Variants in MAPKAP1 observed in about 807,000 individuals in gnomAD.
The protein encoded by MAPKAP1 is MAPK associated protein 1, also known as target of rapamycin complex 2 subunit MAPKAP1.
In MAPKAP1, 20 loss-of-function variants were observed where a neutral mutation model predicts 65.7. The ratio of observed to expected loss-of-function variants is 0.30; its 90% CI spans 0.21 to 0.44. The LOEUF (loss-of-function observed/expected upper bound fraction) is 0.44, where lower values mean the gene tolerates loss of function less well. MAPKAP1 is among the 20% of genes least tolerant of loss of function. The pLI is 1.00. For missense variants in MAPKAP1, 423 were observed against 648.0 expected (o/e 0.65, Z 3.77); for synonymous variants, 222 against 244.3 (o/e 0.91, Z 0.85).
chr9:125,681,769 C>T (rs1331349940), intron 1 of MAPKAP1, among the ~76,000 whole-genome samples: 2 of 152,100 alleles, frequency 1.3e-5, no homozygotes, highest in Non-Finnish European at 1.5e-5. Flanking sequence ...CTACACTGCA[C>T]CTATGTATGT....
At chr9:125,533,190 A>C (rs1365482270) in intron 7 of MAPKAP1, among the ~76,000 whole-genome samples, 1 of 152,096 alleles carries the variant, frequency 6.6e-6, no homozygotes, top group East Asian at 1.9e-4. Context: ...TTCTGAAATT[A>C]GGCTTTTTCT....
At chr9:125,522,576 T>A (rs1458272543) in intron 7 of MAPKAP1, among the ~76,000 whole-genome samples, 1 of 152,192 alleles carries the variant, frequency 6.6e-6, no homozygotes, top group Non-Finnish European at 1.5e-5. Context: ...TCTACCCACT[T>A]AATACATCTC....
At chr9:125,622,648 G>A (rs938715245) in intron 4 of MAPKAP1, among the ~76,000 whole-genome samples, 1 of 152,072 alleles carries the variant, frequency 6.6e-6, no homozygotes, top group Non-Finnish European at 1.5e-5. Flanking sequence ...GTTTCACCAC[G>A]TTGGCCAGGC....
chr9:125,473,082 T>C (rs1853978971), intron 9 of MAPKAP1, among the ~76,000 whole-genome samples: 1 of 151,870 alleles, frequency 6.6e-6, no homozygotes, highest in Non-Finnish European at 1.5e-5. Context: ...GCAGAACTTT[T>C]TTTTTTTTTT....
At chr9:125,642,359 A>T (rs1174162759) in intron 4 of MAPKAP1, among the ~76,000 whole-genome samples, 1 of 152,246 alleles carries the variant, frequency 6.6e-6, no homozygotes, top group East Asian at 1.9e-4. Context: ...GGGTGGACAC[A>T]GGAGAATAAA....
chr9:125,467,405 C>T (rs938365991), intron 10 of MAPKAP1, among the ~76,000 whole-genome samples: 8 of 152,302 alleles, frequency 5.3e-5, no homozygotes, highest in Non-Finnish European at 7.4e-5. Context: ...ATAATTTAAG[C>T]GGAGGAATGC....
chr9:125,459,366 G>A (rs1480329952), intron 10 of MAPKAP1, among the ~76,000 whole-genome samples: 2 of 149,578 alleles, frequency 1.3e-5, no homozygotes, highest in African/African-American at 5.0e-5. Context: ...TCACATCCCA[G>A]ACGATGGGCG....
chr9:125,650,504 T>A (rs1833863163), intron 4 of MAPKAP1: 1 of 152,270 alleles, frequency 6.6e-6, no homozygotes, highest in African/African-American at 2.4e-5. Flanking sequence ...CCCCCTTTTC[T>A]TAGCTAGTTC....
intron 10 of MAPKAP1, among the ~76,000 whole-genome samples, chr9:125,446,635 C>T (rs533579588): frequency 6.6e-6 from 1 of 152,210 alleles, no homozygotes; most frequent in African/African-American, 2.4e-5. Flanking sequence ...AAGAGACACC[C>T]CCTCCAGGAG....
At position 125,621,349 on chromosome 9, in the gene MAPKAP1, T is replaced by C. The variant is rs185102708; in HGVS notation, c.499-35622A>G. Reference sequence around the variant, plus strand: ...TGCTTACTTCATGGTGGACATGTACTATCTCATTTAATTCTCATCAACACA... The same window carrying C: ...TGCTTACTTCATGGTGGACATGTACCATCTCATTTAATTCTCATCAACACA... On this transcript the variant is annotated intron_variant, in intron 4 of 11. Coordinates refer to ENST00000265960, the MANE Select transcript of MAPKAP1 (RefSeq NM_001006617.3). 3.3e-5 allele frequency among the ~76,000 whole-genome samples: 5 copies of C among 152,286 alleles called. No individual in the cohort carries two copies. The East Asian group carries it at 9.6e-4, about 29-fold the overall frequency.
intron 4 of MAPKAP1, among the ~76,000 whole-genome samples, chr9:125,621,140 C>T (rs1038339806): frequency 6.6e-6 from 1 of 151,900 alleles, no homozygotes; most frequent in African/African-American, 2.4e-5. Flanking sequence ...GGTGTGGTGG[C>T]ATGTGCCTGT....
intron 8 of MAPKAP1, among the ~76,000 whole-genome samples, chr9:125,504,485 T>C (rs1829080157): frequency 1.3e-5 from 2 of 151,838 alleles, no homozygotes; most frequent in African/African-American, 4.8e-5. Context: ...AGTCAAAGAG[T>C]AGCATCCTAG....
intron 5 of MAPKAP1, among the ~76,000 whole-genome samples, chr9:125,581,376 A>T (rs997285876): frequency 6.6e-6 from 1 of 152,186 alleles, no homozygotes; most frequent in Non-Finnish European, 1.5e-5. Context: ...TGTCATCACT[A>T]TTTTTTATTT....
intron 10 of MAPKAP1, among the ~76,000 whole-genome samples, chr9:125,452,140 C>T (rs1015880707): frequency 6.6e-6 from 1 of 151,824 alleles, no homozygotes; most frequent in Non-Finnish European, 1.5e-5. Flanking sequence ...TCCTCTGTCA[C>T]TCAGCTGGAG....
At chr9:125,633,050 T>C (rs1417625976) in intron 4 of MAPKAP1, among the ~76,000 whole-genome samples, 1 of 152,220 alleles carries the variant, frequency 6.6e-6, no homozygotes, top group Non-Finnish European at 1.5e-5. Flanking sequence ...ACTTCCCTTT[T>C]TTGAATTTAC....
chr9:125,561,329 G>C (rs1413792067), intron 5 of MAPKAP1, among the ~76,000 whole-genome samples: 1 of 152,184 alleles, frequency 6.6e-6, no homozygotes, highest in Non-Finnish European at 1.5e-5. Flanking sequence ...TCTATACTCA[G>C]TGAGTCTGTC....
At chr9:125,535,829 C>T (rs942944234) in intron 7 of MAPKAP1, among the ~76,000 whole-genome samples, 1 of 152,078 alleles carries the variant, frequency 6.6e-6, no homozygotes, top group Non-Finnish European at 1.5e-5. Context: ...CAGGAGAAGG[C>T]TGTCTGACTT....
chr9:125,669,683 A>AT (rs1315735131), intron 3 of MAPKAP1, 135 bp downstream of exon 3: 46 of 472,498 alleles, frequency 9.7e-5, no homozygotes, highest in Admixed American at 1.5e-4. Flanking sequence ...CACACAAGAG[A>AT]AAGAGCTCAA....
At chr9:125,684,175 T>C (rs1834904957) in intron 1 of MAPKAP1, among the ~76,000 whole-genome samples, 1 of 152,232 alleles carries the variant, frequency 6.6e-6, no homozygotes, top group Non-Finnish European at 1.5e-5. Context: ...CATTAAGGTA[T>C]AAATCTCTCC....
Sources: gnomAD v4.1 joint callset for allele counts (sites outside exome capture counted in the v4.1 genomes callset) on GRCh38, gnomAD v4.1.1 for gene constraint, MANE v1.5 for transcripts, NCBI Gene and HGNC (gene_info 2026-07-23, HGNC 2026-07-21) for gene names.